Variants in ZNF699 observed in about 807,000 individuals in gnomAD.
The protein encoded by ZNF699 is hangover homolog.
Under a neutral mutation model 22.5 loss-of-function variants are expected in ZNF699, and 18 were observed. The observed-to-expected ratio is 0.80, with a 90% confidence interval of 0.55 to 1.19. The LOEUF (loss-of-function observed/expected upper bound fraction) is 1.19. Ranked by LOEUF, ZNF699 falls within the 50% of genes most tolerant of loss-of-function variation. The pLI, the probability that ZNF699 is intolerant of heterozygous loss-of-function variation, is 0.00. For missense variants in ZNF699, 670 were observed against 763.4 expected, an observed-to-expected ratio of 0.88 and a Z score of 1.44; for synonymous variants, 241 against 262.3, an observed-to-expected ratio of 0.92 and a Z score of 0.78.
At position 9,297,335 on chromosome 19, in the gene ZNF699, C is replaced by T; in HGVS notation, c.431G>A (p.Gly144Asp). 2 of 1,602,610 alleles carry T rather than the reference C, an allele frequency of 1.2e-6. No individual in the cohort carries two copies. Among genetic ancestry groups the T allele is most frequent in the Non-Finnish European group, 1.7e-6 (2 of 1,178,044 alleles). ...SSLHENQESC[G>D]IDYQNKSHER... ...ATGGCTTTTGTTCTGATAATCAATA[C>T]CACAGGACTCCTGGTTTTCATGTAA... is the stretch of plus-strand genomic sequence containing the variant. Residue 144 changes from glycine (G) to aspartate (D), a missense_variant, in exon 5 of 6, where the codon GGT becomes GAT. Transcript: ENST00000591998. The surrounding 1 kb of genome is among the most constrained non-coding windows in gnomAD (Gnocchi z 4.3).
intron 1 of ZNF699, among the ~76,000 whole-genome samples, chr19:9,307,490 G>A (rs993812792): frequency 6.6e-6 from 1 of 152,192 alleles, no homozygotes; most frequent in Non-Finnish European, 1.5e-5. Context: ...GCACATTATA[G>A]GGATAAGGAG....
rs752022981 is a variant in ZNF699, at chr19:9,296,195, G to A, written c.1209C>T (p.Pro403=). The change falls in exon 6 of 6, where the codon CCC becomes CCT. Residue 403 remains proline, a synonymous_variant. Coordinates refer to ENST00000591998, the MANE Select transcript of ZNF699 (RefSeq NM_198535.3). ...TTCTCATATGGATACTTAAGGAGGA[G>A]GGACAATTGTAGGCTTTCCCACATT... is the stretch of plus-strand genomic sequence containing the variant. ...CKECGKAYNC[P]SSLSIHMRKH... is the part of the protein sequence containing the mutation. 14 of 1,613,368 alleles carry A rather than the reference G, an allele frequency of 8.7e-6. No homozygotes were observed. In the African/African-American group the frequency reaches 1.6e-4, roughly 18 times the overall value.
At chr19:9,308,146 T>G (rs949811618) in intron 1 of ZNF699, among the ~76,000 whole-genome samples, 3 of 152,024 alleles carry the variant, frequency 2.0e-5, no homozygotes, top group African/African-American at 7.2e-5. Context: ...TTAAAAAAAT[T>G]TTTTAATTTA....
chr19:9,302,232 A>T, intron 3 of ZNF699, 146 bp downstream of exon 3: 1 of 892,052 alleles, frequency 1.1e-6, no homozygotes, highest in Middle Eastern at 3.7e-4. Context: ...AAGCCACTAG[A>T]CTGTAAGTTC....
intron 2 of ZNF699, 94 bp downstream of exon 2, chr19:9,304,978 T>A: frequency 1.2e-6 from 1 of 852,664 alleles, no homozygotes; most frequent in Non-Finnish European, 1.9e-6. Context: ...TGTGGTCCAA[T>A]ACAGAAAGAG....
At position 9,297,272 on chromosome 19, in the gene ZNF699, C is replaced by G. The variant is rs886224117; in HGVS notation, c.470+24G>C. The G allele has an allele frequency of 3.2e-6, 5 of 1,561,766 alleles. No individual in the cohort carries two copies. The African/African-American group carries it at 7.0e-5, about 22-fold the overall frequency. On this transcript the variant is annotated intron_variant, in intron 5 of 5. Coordinates refer to ENST00000591998, the MANE Select transcript of ZNF699 (RefSeq NM_198535.3). The surrounding 1 kb of genome is among the most constrained non-coding windows in gnomAD (Gnocchi z 4.3). ...TTAAGATTCTCTCCTGAGGCACTTT[C>G]TCTTTCTCACGAATGGCACTCACCT...
intron 1 of ZNF699, among the ~76,000 whole-genome samples, chr19:9,305,610 T>A (rs907429455): frequency 6.6e-6 from 1 of 152,212 alleles, no homozygotes; most frequent in Non-Finnish European, 1.5e-5. Flanking sequence ...TCTGCACCCC[T>A]TGGCTGGCTA....
At chr19:9,307,479 A>G (rs901439812) in intron 1 of ZNF699, among the ~76,000 whole-genome samples, 4 of 152,254 alleles carry the variant, frequency 2.6e-5, no homozygotes, top group Non-Finnish European at 4.4e-5. Flanking sequence ...TAAAAAATGT[A>G]GCACATTATA....
At chr19:9,302,777 G>C (rs2066312625) in intron 2 of ZNF699, among the ~76,000 whole-genome samples, 1 of 152,150 alleles carries the variant, frequency 6.6e-6, no homozygotes, top group South Asian at 2.1e-4. Context: ...CAGCACTTTG[G>C]GGAGCCAAAG....
rs1179901336 is a variant in ZNF699, at chr19:9,291,636, A to C, written c.*3839T>G. 1 of 152,112 alleles carries C rather than the reference A, an allele frequency of 6.6e-6. No individual in the cohort carries two copies. Among genetic ancestry groups the C allele is most frequent in the Non-Finnish European group, 1.5e-5 (1 of 68,014 alleles). The allele number at this position is 152,112 out of a possible 1,614,324, so 9.4% of individuals were successfully genotyped here. A position where few individuals can be genotyped will look rare whatever the true frequency, so the allele number is the denominator to read the frequency against. ...GAGAGTAGATTCATTATCTTGGTCC[A>C]GGCAAATAATTCTTAAACAGGTGTC... On this transcript the variant is annotated 3_prime_UTR_variant, in exon 6 of 6. Transcript: ENST00000591998.
At chr19:9,304,921 CAAAAAA>C (rs34867149) in intron 2 of ZNF699, 145 bp downstream of exon 2, 4 of 305,558 alleles carry the variant, frequency 1.3e-5, no homozygotes, top group Middle Eastern at 9.7e-4. Context: ...GACTCTGTCT[CAAAAAA>C]AAAAAAAAAA....
At chr19:9,308,533 G>GTGGC (rs1054300506) in intron 1 of ZNF699, among the ~76,000 whole-genome samples, 2 of 152,194 alleles carry the variant, frequency 1.3e-5, no homozygotes, top group Non-Finnish European at 2.9e-5. Context: ...GCCGGGTGCA[G>GTGGC]TGGCTCATGC....
intron 2 of ZNF699, 132 bp downstream of exon 2, chr19:9,304,940 A>AT (rs2066321884): frequency 1.7e-6 from 1 of 604,344 alleles, no homozygotes; most frequent in Non-Finnish European, 2.7e-6. Context: ...AAAAAAAAAA[A>AT]CTATAGCCTT....
chr19:9,307,508 A>C (rs2033482), intron 1 of ZNF699, among the ~76,000 whole-genome samples: 92,606 of 152,088 alleles, frequency 0.61, 28,671 homozygotes, highest in African/African-American at 0.71. Context: ...GAGACACGTA[A>C]CATATTTATC....
chr19:9,308,057 CA>C (rs2066334015), intron 1 of ZNF699, among the ~76,000 whole-genome samples: 3 of 150,784 alleles, frequency 2.0e-5, no homozygotes, highest in Admixed American at 2.0e-4. Context: ...TTTTTTAAAA[CA>C]TAGTAAACAA....
Position 9,296,588 on chromosome 19 carries a change from A to G in ZNF699, c.816T>C (p.Ile272=). The G allele has an allele frequency of 6.2e-7, 1 of 1,614,206 alleles. No individual in the cohort carries two copies. The highest frequency in any genetic ancestry group is 8.5e-7 in the Non-Finnish European group (1 of 1,180,032). ...ATTCATAGTTTGTCTTTCCGATGTGAATCTTCATATGTGCCCTAAAGAATG... is the reference window on the plus strand; with the variant it reads ...ATTCATAGTTTGTCTTTCCGATGTGGATCTTCATATGTGCCCTAAAGAATG... The part of the protein sequence containing the change: ...CSSFFRAHMK[I]HIGKTNYECK... Residue 272 remains isoleucine, a synonymous_variant, in exon 6 of 6, where the codon ATT becomes ATC. Coordinates refer to ENST00000591998, the MANE Select transcript of ZNF699 (RefSeq NM_198535.3).
Position 9,297,879 on chromosome 19 carries a change from C to G in ZNF699, c.286+1G>C. ...AAACAGTTTCTCCCAAGGGTTCTTG[C>G]CTTCCCGGTGCTCTCCCATAAAGAT... On this transcript the variant is annotated splice_donor_variant, in intron 4 of 5. Transcript: ENST00000591998. LOFTEE classifies it high-confidence loss of function. The surrounding 1 kb of genome is among the most constrained non-coding windows in gnomAD (Gnocchi z 4.3). 1.2e-6 allele frequency: 2 copies of G among 1,610,486 alleles called. No homozygotes were observed. The highest frequency in any genetic ancestry group is 1.7e-6 in the Non-Finnish European group (2 of 1,177,062).
chr19:9,298,172 G>A (rs1434553564), intron 3 of ZNF699, among the ~76,000 whole-genome samples, 182 bp from the exon 4 acceptor site: 1 of 147,646 alleles, frequency 6.8e-6, no homozygotes, highest in African/African-American at 2.5e-5. Context: ...GGCAGGTTGG[G>A]TGCGGTGACT....
Position 9,296,688 on chromosome 19 carries a change from T to G in ZNF699, c.716A>C (p.Lys239Thr). The G allele has an allele frequency of 6.2e-7, 1 of 1,606,610 alleles. No homozygotes were observed. The highest frequency in any genetic ancestry group is 8.5e-7 in the Non-Finnish European group (1 of 1,177,956). The change falls in exon 6 of 6, where the codon AAG becomes ACG. Residue 239 changes from lysine to threonine, a missense_variant. By Grantham distance (78) the Lys-to-Thr change is moderately conservative. Transcript: ENST00000591998. ...TTCAGTGGGGGTTTTCATATGCTTC[T>G]TGAAACAAGCAAGAAAATGGAAGGC... The part of the protein sequence containing the change: ...GKAFHFLACF[K>T]KHMKTPTEEK...
Sources: gnomAD v4.1 joint callset for allele counts (sites outside exome capture counted in the v4.1 genomes callset) on GRCh38, gnomAD v4.1.1 for gene constraint, Gnocchi (gnomAD v3.1) non-coding constraint, MANE v1.5 for transcripts, NCBI Gene and HGNC (gene_info 2026-07-23, HGNC 2026-07-21) for gene names.